The following PDIA5 variants were observed in gnomAD, a reference collection of about 807,000 sequenced individuals.
PDIA5 encodes the protein protein disulfide isomerase family A member 5.
In PDIA5, 58 loss-of-function variants were observed where a neutral mutation model predicts 77.6. The ratio of observed to expected loss-of-function variants is 0.75; its 90% CI spans 0.61 to 0.93. The LOEUF (loss-of-function observed/expected upper bound fraction) is 0.93, where lower values mean the gene tolerates loss of function less well. Ranked by LOEUF, PDIA5 falls within the 40% of genes least tolerant of loss-of-function variation. The probability of loss-of-function intolerance (pLI) is 0.00; values close to 1 mark genes in which losing one functional copy is unlikely to be tolerated. For synonymous variants in PDIA5, 250 were observed against 252.1 expected, an observed-to-expected ratio of 0.99 and a Z score of 0.08; for missense variants, 630 against 647.7, an observed-to-expected ratio of 0.97 and a Z score of 0.30.
chr3:123,120,066 C>T (rs1287032496), intron 8 of PDIA5, among the ~76,000 whole-genome samples: 2 of 152,322 alleles, frequency 1.3e-5, no homozygotes, highest in Middle Eastern at 6.8e-3. Context: ...CACGCTGCCC[C>T]CATCTCAGAG....
chr3:123,076,847 A>G (rs1028247600), intron 1 of PDIA5, among the ~76,000 whole-genome samples: 1 of 152,194 alleles, frequency 6.6e-6, no homozygotes, highest in African/African-American at 2.4e-5. Flanking sequence ...AAAACATTAA[A>G]AGCTTTAGGG....
At chr3:123,109,898 C>G (rs1410219796) in intron 6 of PDIA5, among the ~76,000 whole-genome samples, 1 of 152,230 alleles carries the variant, frequency 6.6e-6, no homozygotes, top group Non-Finnish European at 1.5e-5. Context: ...TCCTCTTTAT[C>G]GGTTTTAATG....
chr3:123,157,179 C>G (rs1431345672), intron 15 of PDIA5, among the ~76,000 whole-genome samples: 1 of 152,182 alleles, frequency 6.6e-6, no homozygotes, highest in African/African-American at 2.4e-5. Flanking sequence ...ACTTCATAAC[C>G]TCTCTGTCTG....
intron 16 of PDIA5, 50 bp downstream of exon 16, chr3:123,161,505 A>G (rs766667035): frequency 6.3e-7 from 1 of 1,587,296 alleles, no homozygotes; most frequent in South Asian, 1.1e-5. Context: ...GCTGATGGGC[A>G]GGGAAACTTC....
intron 5 of PDIA5, among the ~76,000 whole-genome samples, chr3:123,103,825 G>A (rs1487543626): frequency 5.9e-5 from 9 of 152,308 alleles, no homozygotes; most frequent in African/African-American, 1.9e-4. Context: ...ATGTTAAGAC[G>A]TCAACCGAAG....
At chr3:123,120,330 A>C (rs750455876) in intron 8 of PDIA5, among the ~76,000 whole-genome samples, 2 of 152,128 alleles carry the variant, frequency 1.3e-5, no homozygotes, top group Non-Finnish European at 2.9e-5. Context: ...CCATTTCTCC[A>C]TCTGTAAAAT....
chr3:123,127,142 C>T (rs373053200), intron 10 of PDIA5, among the ~76,000 whole-genome samples: 2 of 152,352 alleles, frequency 1.3e-5, no homozygotes, highest in East Asian at 1.9e-4. Flanking sequence ...AGAGTTGCAT[C>T]TTCTCATCTA....
At chr3:123,145,964 A>G in intron 12 of PDIA5, 135 bp from the exon 13 acceptor site, 1 of 757,644 alleles carries the variant, frequency 1.3e-6, no homozygotes, top group Non-Finnish European at 2.2e-6. Context: ...GGGATATGGG[A>G]GCCCACTGGG....
rs566969984 is a variant in PDIA5 at position 123,124,131 on chromosome 3, C to A, written c.675C>A (p.Arg225=). 17 of 1,613,786 alleles carry A rather than the reference C, an allele frequency of 1.1e-5. No individual in the cohort carries two copies. In the African/African-American group the frequency reaches 2.1e-4, roughly 20 times the overall value. ...ACATCAAGGAGGAGTACAGCGTGCG[C>A]GGCTTCCCCACCATCTGCTATTTTG... ...FENIKEEYSV[R]GFPTICYFEK... is the part of the protein sequence containing the mutation. The change falls in exon 9 of 17, where the codon CGC becomes CGA. Residue 225 remains arginine, a synonymous_variant. Transcript: ENST00000316218.
rs6786537 is a variant in PDIA5, at chr3:123,082,182, G to A, written c.43-6986G>A. Among the ~76,000 whole-genome samples, 690 of 152,234 alleles carry A rather than the reference G, an allele frequency of 4.5e-3. 1 individual carries two copies. The highest frequency in any genetic ancestry group is 0.015 in the African/African-American group (607 of 41,540). Reference sequence around the variant, plus strand: ...TGCCCTGGGATTCTGGGAGATAGGGGCATTTCCTGGTTGCTTCGGTAGGCC... The same window carrying A: ...TGCCCTGGGATTCTGGGAGATAGGGACATTTCCTGGTTGCTTCGGTAGGCC... On this transcript the variant is annotated intron_variant, in intron 1 of 16. Coordinates refer to ENST00000316218, the MANE Select transcript of PDIA5 (RefSeq NM_006810.4).
At chr3:123,107,626 T>G (rs1029278168) in intron 6 of PDIA5, among the ~76,000 whole-genome samples, 2 of 152,214 alleles carry the variant, frequency 1.3e-5, no homozygotes, top group African/African-American at 4.8e-5. Context: ...GCATCCGTGT[T>G]TGTATGATGC....
chr3:123,123,486 G>A (rs1226467723), intron 8 of PDIA5, among the ~76,000 whole-genome samples: 1 of 152,158 alleles, frequency 6.6e-6, no homozygotes, highest in South Asian at 2.1e-4. Flanking sequence ...CAGGTGCCTC[G>A]TTTCTCATGT....
chr3:123,111,107 G>C, intron 7 of PDIA5, 103 bp downstream of exon 7: 1 of 813,658 alleles, frequency 1.2e-6, no homozygotes, highest in Non-Finnish European at 2.1e-6. Context: ...TAGCCTGGGT[G>C]CCTGGCTTAG....
intron 8 of PDIA5, among the ~76,000 whole-genome samples, chr3:123,123,452 C>G (rs1242450945): frequency 6.6e-6 from 1 of 152,166 alleles, no homozygotes; most frequent in Non-Finnish European, 1.5e-5. Context: ...AGACACAGCA[C>G]GGCCTGGAAG....
chr3:123,091,381 C>T (rs1362581151), intron 2 of PDIA5, among the ~76,000 whole-genome samples: 2 of 152,136 alleles, frequency 1.3e-5, no homozygotes, highest in South Asian at 2.1e-4. Flanking sequence ...AGCAGCAGAT[C>T]GCTCTCCCCA....
At chr3:123,112,065 G>A (rs899221902) in intron 7 of PDIA5, among the ~76,000 whole-genome samples, 5 of 152,168 alleles carry the variant, frequency 3.3e-5, no homozygotes, top group African/African-American at 4.8e-5. Flanking sequence ...TAACAGAGAC[G>A]GCGTGGCCTG....
chr3:123,101,488 C>G (rs1934596201), intron 3 of PDIA5, among the ~76,000 whole-genome samples: 1 of 152,200 alleles, frequency 6.6e-6, no homozygotes, highest in Non-Finnish European at 1.5e-5. Flanking sequence ...ATCCCAGATG[C>G]CAAGGGAGGG....
In PDIA5 at chr3:123,070,564, G is replaced by A. The variant is rs1033857253; in HGVS notation, c.42+3358G>A. Among the ~76,000 whole-genome samples, 3 of 152,206 alleles carry A rather than the reference G, an allele frequency of 2.0e-5. No homozygotes were observed. In the East Asian group the frequency reaches 5.8e-4, roughly 29 times the overall value. On this transcript the variant is annotated intron_variant, in intron 1 of 16. Transcript: ENST00000316218. The stretch of plus-strand genomic sequence containing the variant: ...TTAGTTCCAAGAGCTTCCAGGCTGG[G>A]TGTCTGTGCCCTCAGAGGCTATGGG...
intron 1 of PDIA5, among the ~76,000 whole-genome samples, chr3:123,075,629 G>A (rs890741941): frequency 3.9e-5 from 6 of 152,082 alleles, no homozygotes; most frequent in African/African-American, 1.4e-4. Flanking sequence ...AGAATGGGAG[G>A]AGCAGGGGAG....
Sources: gnomAD v4.1 joint callset for allele counts (sites outside exome capture counted in the v4.1 genomes callset) on GRCh38, gnomAD v4.1.1 for gene constraint, MANE v1.5 for transcripts, NCBI Gene and HGNC (gene_info 2026-07-23, HGNC 2026-07-21) for gene names.